FILIP1: variants seen among roughly 807,000 people sequenced by gnomAD.
FILIP1 encodes filamin A interacting protein 1.
Under a neutral mutation model 102.1 loss-of-function variants are expected in FILIP1, and 61 were observed. The ratio of observed to expected loss-of-function variants is 0.60; its 90% CI spans 0.49 to 0.74. The LOEUF (loss-of-function observed/expected upper bound fraction) is 0.74. Among genes scored for constraint, FILIP1 ranks in the 30% least tolerant of loss-of-function variants. The probability of loss-of-function intolerance (pLI) is 0.00; values close to 1 mark genes in which losing one functional copy is unlikely to be tolerated. For synonymous variants in FILIP1, 491 were observed against 526.9 expected (o/e 0.93, Z 0.93); for missense variants, 1,314 against 1,441.2 (o/e 0.91, Z 1.43).
intron 4 of FILIP1, among the ~76,000 whole-genome samples, chr6:75,323,854 A>G (rs564365314): frequency 6.6e-6 from 1 of 152,286 alleles, no homozygotes; most frequent in East Asian, 1.9e-4. Flanking sequence ...CGCTGTTATA[A>G]TAGTGAGGGA....
chr6:75,329,508 A>G (rs1773989896), intron 4 of FILIP1, among the ~76,000 whole-genome samples: 1 of 152,182 alleles, frequency 6.6e-6, no homozygotes, highest in African/African-American at 2.4e-5. Context: ...TCAGAACACT[A>G]TTTTTGCTTT....
chr6:75,397,969 T>G (rs532754047), intron 2 of FILIP1: 1 of 152,210 alleles, frequency 6.6e-6, no homozygotes, highest in East Asian at 1.9e-4. Flanking sequence ...AACATCAGAG[T>G]AAGTGTTCTA....
intron 1 of FILIP1, among the ~76,000 whole-genome samples, chr6:75,419,122 T>C (rs564953211): frequency 1.3e-5 from 2 of 152,214 alleles, no homozygotes; most frequent in Admixed American, 6.5e-5. Context: ...TTCTAGAGCA[T>C]TTGAACAAGA....
chr6:75,408,771 C>T (rs774279002), intron 2 of FILIP1, among the ~76,000 whole-genome samples: 2 of 152,318 alleles, frequency 1.3e-5, no homozygotes, highest in Non-Finnish European at 1.5e-5. Context: ...TATCCTATCT[C>T]CCAAAACTAT....
At chr6:75,349,840 G>C (rs1489062259) in intron 4 of FILIP1, among the ~76,000 whole-genome samples, 1 of 152,152 alleles carries the variant, frequency 6.6e-6, no homozygotes, top group Non-Finnish European at 1.5e-5. Flanking sequence ...CGGCAACTTG[G>C]CTCGCGGGAA....
rs1296189334 is a variant in FILIP1, at chr6:75,348,080, CACACACAT to C, written c.629+5451_629+5458del. Among the ~76,000 whole-genome samples the C allele has an allele frequency of 9.9e-5, 15 of 151,834 alleles. No individual in the cohort carries two copies. In the South Asian group the frequency reaches 2.9e-3, roughly 30 times the overall value. ...TCAGTTATACACACACACACACACA[CACACACAT>C]ACACACACTTTTCCCTCAAATATTT... On this transcript the variant is annotated intron_variant, in intron 4 of 5. Coordinates refer to ENST00000237172, the MANE Select transcript of FILIP1 (RefSeq NM_015687.5).
At chr6:75,485,839 T>TTTTA (rs1779768209) in intron 1 of FILIP1, among the ~76,000 whole-genome samples, 1 of 152,032 alleles carries the variant, frequency 6.6e-6, no homozygotes, top group Non-Finnish European at 1.5e-5. Context: ...CTCTGTTTTA[T>TTTTA]TTTATTTTTT....
chr6:75,323,012 T>C (rs1278061684), intron 4 of FILIP1, among the ~76,000 whole-genome samples: 2 of 152,218 alleles, frequency 1.3e-5, no homozygotes, highest in Non-Finnish European at 2.9e-5. Context: ...ACTTTTTAAC[T>C]TGCAAATTGA....
In FILIP1 at chr6:75,313,414, T is replaced by C. The variant is rs1445923787; in HGVS notation, c.2418A>G (p.Gln806=). The C allele has an allele frequency of 6.2e-7, 1 of 1,614,206 alleles. No individual in the cohort carries two copies. Among genetic ancestry groups the C allele is most frequent in the Non-Finnish European group, 8.5e-7 (1 of 1,180,032 alleles). ...CTGCTTCACCGCTGACTGCATCAGT[T>C]TGGACTCCAGTTGACGTCACAGGAA... The part of the protein sequence containing the change: ...VDVPVTSTGV[Q]TDAVSGEAAE... Residue 806 remains glutamine (Q), a synonymous_variant, in exon 5 of 6, where the codon CAA becomes CAG. Transcript: ENST00000237172. This position sits in a 1 kb window ranked among gnomAD's most constrained non-coding sequence, Gnocchi z 4.2.
rs1158817458 is a variant in FILIP1, at chr6:75,456,584, C to T, written c.-7+36830G>A. ...TCTTTTCTTTTTTTTTTTTTTGAGA[C>T]TGATCTTGCTCTGTTGCCAGGCTGC... On this transcript the variant is annotated intron_variant, in intron 1 of 5. Transcript: ENST00000237172. Among the ~76,000 whole-genome samples the T allele has an allele frequency of 6.7e-4, 95 of 141,136 alleles. 1 individual carries two copies. The highest frequency in any genetic ancestry group is 2.4e-3 in the African/African-American group (87 of 36,938). 92.6% of individuals were successfully genotyped at this position (141,136 alleles called of 152,430 possible).
chr6:75,315,509 C>T (rs1033075254), intron 4 of FILIP1, among the ~76,000 whole-genome samples: 3 of 152,120 alleles, frequency 2.0e-5, no homozygotes, highest in Non-Finnish European at 2.9e-5. Flanking sequence ...TGAACACTTC[C>T]GAGTATCTTT....
At chr6:75,372,196 C>T (rs1403438275) in intron 2 of FILIP1, among the ~76,000 whole-genome samples, 4 of 151,688 alleles carry the variant, frequency 2.6e-5, no homozygotes, top group African/African-American at 9.7e-5. Flanking sequence ...GGAGAAACCC[C>T]GTCTCTACTA....
At chr6:75,468,291 C>A (rs2149760054) in intron 1 of FILIP1, among the ~76,000 whole-genome samples, 1 of 152,154 alleles carries the variant, frequency 6.6e-6, no homozygotes, top group South Asian at 2.1e-4. Context: ...TGGAGTAAGG[C>A]CAATACCATT....
intron 4 of FILIP1, among the ~76,000 whole-genome samples, chr6:75,344,345 T>C (rs1774510724): frequency 6.6e-6 from 1 of 152,220 alleles, no homozygotes; most frequent in Non-Finnish European, 1.5e-5. Context: ...AACTAGCCAC[T>C]TTAAAGACAA....
At chr6:75,381,293 G>C (rs1775898080) in intron 2 of FILIP1, among the ~76,000 whole-genome samples, 1 of 151,738 alleles carries the variant, frequency 6.6e-6, no homozygotes, top group Non-Finnish European at 1.5e-5. Context: ...GCAGTAGCTT[G>C]ATCTCGGCTC....
chr6:75,341,557 C>A (rs1239938662), intron 4 of FILIP1, among the ~76,000 whole-genome samples: 1 of 151,962 alleles, frequency 6.6e-6, no homozygotes, highest in Non-Finnish European at 1.5e-5. Context: ...TAAGATACTT[C>A]TTTATGTAGA....
intron 1 of FILIP1, among the ~76,000 whole-genome samples, chr6:75,449,688 A>C (rs1778557334): frequency 1.3e-5 from 2 of 151,550 alleles, no homozygotes; most frequent in Non-Finnish European, 2.9e-5. Context: ...ACATTGAAGG[A>C]AATGCATTTA....
rs267601129 is a variant in FILIP1 at position 75,314,296 on chromosome 6, C to A, written c.1536G>T (p.Arg512Ser). ...GTTTTATTTTTTCCATCATATTTTT[C>A]CTTTCATCAACCAGCATCACGGTAA... ...KSFTVMLVDE[R>S]KNMMEKIKQE... Residue 512 changes from arginine to serine, a missense_variant, in exon 5 of 6, where the codon AGG becomes AGT. Physicochemically the swap from Arg to Ser is moderately radical, Grantham distance 110 (BLOSUM62 -1). Transcript: ENST00000237172. 62 of 1,531,422 alleles carry A rather than the reference C, an allele frequency of 4.0e-5. 1 individual carries two copies. Among genetic ancestry groups the A allele is most frequent in the Non-Finnish European group, 5.2e-5 (60 of 1,151,172 alleles). The allele number at this position is 1,531,422 out of a possible 1,614,324, so 94.9% of individuals were successfully genotyped here.
chr6:75,435,510 T>C (rs532636332), intron 1 of FILIP1, among the ~76,000 whole-genome samples: 3 of 152,230 alleles, frequency 2.0e-5, no homozygotes, highest in Non-Finnish European at 4.4e-5. Context: ...CAATGAGAAC[T>C]TAAAATCAGG....
Sources: gnomAD v4.1 joint callset for allele counts (sites outside exome capture counted in the v4.1 genomes callset) on GRCh38, gnomAD v4.1.1 for gene constraint, Gnocchi (gnomAD v3.1) non-coding constraint, MANE v1.5 for transcripts, NCBI Gene and HGNC (gene_info 2026-07-23, HGNC 2026-07-21) for gene names.